Variants in SLIT2 observed in about 807,000 individuals in gnomAD.
The protein encoded by SLIT2 is slit homolog 2 protein.
A neutral mutation model predicts 185.7 loss-of-function variants in SLIT2; 41 were observed. The ratio of observed to expected loss-of-function variants is 0.22; its 90% confidence interval spans 0.17 to 0.29. The LOEUF (loss-of-function observed/expected upper bound fraction) is 0.29, where lower values mean the gene tolerates loss of function less well. Ranked by LOEUF, SLIT2 falls within the 10% of genes least tolerant of loss-of-function variation. SLIT2 has a pLI of 1.00. For missense variants in SLIT2, 1,571 were observed against 1,909.0 expected, an observed-to-expected ratio of 0.82 and a Z score of 3.30; for synonymous variants, 693 against 680.2, an observed-to-expected ratio of 1.02 and a Z score of -0.29.
intron 4 of SLIT2, among the ~76,000 whole-genome samples, chr4:20,445,125 C>G (rs564322719): frequency 4.3e-4 from 66 of 152,286 alleles, no homozygotes; most frequent in African/African-American, 1.5e-3. Flanking sequence ...TTCCCCTCAC[C>G]CCTCTCCTGG....
Position 20,358,655 on chromosome 4 carries a change from G to A in SLIT2, c.395+89774G>A, listed in dbSNP as rs777493728. Among the ~76,000 whole-genome samples, 180 of 152,160 alleles carry A rather than the reference G, an allele frequency of 1.2e-3. 1 individual carries two copies. In the Middle Eastern group the frequency reaches 0.014, roughly 12 times the overall value. On this transcript the variant is annotated intron_variant, in intron 4 of 36. Coordinates refer to ENST00000504154, the MANE Select transcript of SLIT2 (RefSeq NM_004787.4). ...ATTTAGGTAGCATTGTTCCTATTTTGAAGTTTGACAAACTCATGCACCTTG... is the reference window on the plus strand; with the variant it reads ...ATTTAGGTAGCATTGTTCCTATTTTAAAGTTTGACAAACTCATGCACCTTG...
chr4:20,291,096 T>A (rs1410145851), intron 4 of SLIT2, among the ~76,000 whole-genome samples: 1 of 152,040 alleles, frequency 6.6e-6, no homozygotes, highest in Non-Finnish European at 1.5e-5. Context: ...AGAGACTGAA[T>A]TTAGTTCGAT....
chr4:20,442,202 A>G (rs1383107385), intron 4 of SLIT2, among the ~76,000 whole-genome samples: 1 of 152,026 alleles, frequency 6.6e-6, no homozygotes, highest in Non-Finnish European at 1.5e-5. Context: ...TTGCCAGGTG[A>G]GGGAGGCAGA....
intron 4 of SLIT2, among the ~76,000 whole-genome samples, chr4:20,436,599 AT>A (rs1293026636): frequency 1.3e-5 from 2 of 152,228 alleles, no homozygotes; most frequent in African/African-American, 2.4e-5. Flanking sequence ...CAAATCACGT[AT>A]TTAGATTGAG....
intron 4 of SLIT2, among the ~76,000 whole-genome samples, chr4:20,360,693 G>A (rs778539989): frequency 2.6e-5 from 4 of 152,138 alleles, no homozygotes; most frequent in African/African-American, 4.8e-5. Flanking sequence ...ACCAGGATTT[G>A]TGGGGTGGCT....
intron 3 of SLIT2, among the ~76,000 whole-genome samples, chr4:20,265,184 G>T (rs1034141323): frequency 6.6e-6 from 1 of 151,842 alleles, no homozygotes; most frequent in Non-Finnish European, 1.5e-5. Flanking sequence ...TAGAAGCTAG[G>T]CTACTTTTTC....
chr4:20,319,764 G>A (rs1718892915), intron 4 of SLIT2, among the ~76,000 whole-genome samples: 1 of 151,070 alleles, frequency 6.6e-6, no homozygotes, highest in Non-Finnish European at 1.5e-5. Flanking sequence ...TTTAGAGTCA[G>A]AGGAGGCAGT....
Position 20,354,741 on chromosome 4 carries a change from G to T in SLIT2, c.395+85860G>T, listed in dbSNP as rs1333416816. Among the ~76,000 whole-genome samples the T allele has an allele frequency of 3.3e-5, 5 of 152,042 alleles. No individual in the cohort carries two copies. The East Asian group carries it at 7.7e-4, about 23-fold the overall frequency. On this transcript the variant is annotated intron_variant, in intron 4 of 36. Coordinates refer to ENST00000504154, the MANE Select transcript of SLIT2 (RefSeq NM_004787.4). The stretch of plus-strand genomic sequence containing the variant: ...TGGTTAAATGGTAGAGGAAACTATA[G>T]AAATTGATCTCAGTGAGCAAAGCCT...
At chr4:20,398,660 A>G (rs1726110891) in intron 4 of SLIT2, among the ~76,000 whole-genome samples, 1 of 151,710 alleles carries the variant, frequency 6.6e-6, no homozygotes, top group African/African-American at 2.4e-5. Context: ...TTGTCTCCCC[A>G]ATACTAGTAG....
chr4:20,282,500 A>G lies in SLIT2; in HGVS notation c.395+13619A>G, dbSNP rs368867811. The stretch of plus-strand genomic sequence containing the variant: ...TATCTTCAATTCTCAAGAATATGTA[A>G]TACCTTTTATTTATTACTATACTAA... On this transcript the variant is annotated intron_variant, in intron 4 of 36. Coordinates refer to ENST00000504154, the MANE Select transcript of SLIT2 (RefSeq NM_004787.4). 3.3e-5 allele frequency among the ~76,000 whole-genome samples: 5 copies of G among 152,266 alleles called. 1 individual carries two copies. In the South Asian group the frequency reaches 1.0e-3, roughly 32 times the overall value.
chr4:20,465,212 G>GT (rs979515700), intron 4 of SLIT2, among the ~76,000 whole-genome samples: 7 of 152,096 alleles, frequency 4.6e-5, no homozygotes, highest in Non-Finnish European at 8.8e-5. Flanking sequence ...ATTTACCTAT[G>GT]TTTTCCACAT....
intron 4 of SLIT2, among the ~76,000 whole-genome samples, chr4:20,274,081 G>A (rs1030334006): frequency 6.6e-6 from 1 of 152,144 alleles, no homozygotes; most frequent in Non-Finnish European, 1.5e-5. Context: ...TGAAAGTTCC[G>A]TCGAAGGTGG....
At chr4:20,286,247 G>C (rs144675039) in intron 4 of SLIT2, among the ~76,000 whole-genome samples, 1 of 152,082 alleles carries the variant, frequency 6.6e-6, no homozygotes, top group Non-Finnish European at 1.5e-5. Flanking sequence ...CGTTAATTGT[G>C]CATAGGTGCT....
At chr4:20,442,721 G>C (rs1302316750) in intron 4 of SLIT2, among the ~76,000 whole-genome samples, 2 of 152,096 alleles carry the variant, frequency 1.3e-5, no homozygotes, top group African/African-American at 4.8e-5. Flanking sequence ...GAGTTTTCGT[G>C]TTCGGTGATG....
intron 30 of SLIT2, 78 bp downstream of exon 30, chr4:20,589,815 C>T: frequency 1.1e-6 from 1 of 891,286 alleles, no homozygotes; most frequent in East Asian, 2.5e-5. Flanking sequence ...CTCCTTCATC[C>T]TTAGCTTCAC....
At chr4:20,509,354 C>T (rs1031946975) in intron 9 of SLIT2, among the ~76,000 whole-genome samples, 1 of 151,866 alleles carries the variant, frequency 6.6e-6, no homozygotes, top group Non-Finnish European at 1.5e-5. Context: ...CAACCCAGGG[C>T]TATAAGGACA....
chr4:20,554,309 G>C (rs1292409727), intron 26 of SLIT2: 1 of 465,328 alleles, frequency 2.1e-6, no homozygotes, highest in Non-Finnish European at 4.3e-6. Context: ...TGCTCCTAGG[G>C]CTGCCAGGGC....
At chr4:20,414,185 C>T (rs67917249) in intron 4 of SLIT2, among the ~76,000 whole-genome samples, 20,303 of 151,824 alleles carry the variant, frequency 0.13, 1,568 homozygotes, top group Admixed American at 0.23. Context: ...TACAATTAAC[C>T]TCTTCATTTA....
At chr4:20,288,900 G>A (rs1407493295) in intron 4 of SLIT2, among the ~76,000 whole-genome samples, 1 of 152,212 alleles carries the variant, frequency 6.6e-6, no homozygotes, top group Non-Finnish European at 1.5e-5. Context: ...GGGCAAAAGA[G>A]AGCATAGGAG....
Sources: gnomAD v4.1 joint callset for allele counts (sites outside exome capture counted in the v4.1 genomes callset) on GRCh38, gnomAD v4.1.1 for gene constraint, MANE v1.5 for transcripts, NCBI Gene and HGNC (gene_info 2026-07-23, HGNC 2026-07-21) for gene names.